The following SLC35F3 variants were observed in gnomAD, a reference collection of about 807,000 sequenced individuals.
SLC35F3 encodes the protein putative thiamine transporter SLC35F3.
SLC35F3 carries 25 observed loss-of-function variants against 49.9 expected under a neutral mutation model. That is an observed-to-expected ratio of 0.50 (90% CI 0.37 to 0.70). The LOEUF is 0.70. SLC35F3 is among the 30% of genes least tolerant of loss of function. The pLI is 0.00. For missense variants in SLC35F3, 525 were observed against 639.8 expected (o/e 0.82, Z 1.94); for synonymous variants, 275 against 265.4 (o/e 1.04, Z -0.35).
intron 2 of SLC35F3, among the ~76,000 whole-genome samples, chr1:234,104,996 C>T (rs1234162624): frequency 8.6e-5 from 13 of 151,912 alleles, no homozygotes; most frequent in African/African-American, 2.4e-4. Context: ...GGCGTGGTGG[C>T]GGGCACCTGT....
At chr1:234,296,972 A>T (rs2025008) in intron 3 of SLC35F3, among the ~76,000 whole-genome samples, 65,394 of 152,038 alleles carry the variant, frequency 0.43, 14,607 homozygotes, top group African/African-American at 0.53. Flanking sequence ...ACAGACAATT[A>T]AAAAAAACAT....
chr1:234,155,793 C>A (rs549146137), intron 2 of SLC35F3, among the ~76,000 whole-genome samples: 2,479 of 137,392 alleles, frequency 0.018, 57 homozygotes, highest in African/African-American at 0.059. Context: ...AAAAAAAAAA[C>A]CCCAAAAACA....
chr1:234,271,292 C>A lies in SLC35F3; in HGVS notation c.609-37809C>A, dbSNP rs117465862. On this transcript the variant is annotated intron_variant, in intron 3 of 7. Transcript: ENST00000366618. ...ATGAGGGTCCGAGAAGGCACAAGAA[C>A]TGAGCAAAAAACACACTTATTTTGA... Among the ~76,000 whole-genome samples the A allele has an allele frequency of 1.7e-3, 253 of 152,208 alleles. 5 individuals are homozygous for A. The East Asian group carries it at 0.038, about 23-fold the overall frequency.
chr1:234,209,066 A>G (rs1667014522), intron 2 of SLC35F3, among the ~76,000 whole-genome samples: 1 of 152,198 alleles, frequency 6.6e-6, no homozygotes, highest in Non-Finnish European at 1.5e-5. Flanking sequence ...TACTAAAGTC[A>G]AGACAGATAG....
intron 2 of SLC35F3, among the ~76,000 whole-genome samples, chr1:234,086,596 CTGATTACACA>C (rs942661728): frequency 6.6e-6 from 1 of 152,162 alleles, no homozygotes; most frequent in African/African-American, 2.4e-5. Flanking sequence ...CAGTATAAGC[CTGATTACACA>C]TGATTAATAA....
chr1:234,057,485 G>T (rs969417353), intron 2 of SLC35F3, among the ~76,000 whole-genome samples: 1 of 152,058 alleles, frequency 6.6e-6, no homozygotes, highest in Admixed American at 6.5e-5. Context: ...AAATGCAATT[G>T]ATTTTTTATC....
chr1:234,298,781 G>A (rs1037738945), intron 3 of SLC35F3, among the ~76,000 whole-genome samples: 12 of 152,132 alleles, frequency 7.9e-5, no homozygotes, highest in African/African-American at 1.9e-4. Context: ...TAGGCAATTC[G>A]CTGACAGAGT....
rs542766106 is a variant in SLC35F3 at position 233,998,822 on chromosome 1, G to A, written c.283+93064G>A. On this transcript the variant is annotated intron_variant, in intron 2 of 7. Transcript: ENST00000366618. ...TAATATCTGATGATAGTGGGAAATA[G>A]AGGATTTTACTGATGTGTTCTTACG... 4.6e-5 allele frequency among the ~76,000 whole-genome samples: 7 copies of A among 152,272 alleles called. No homozygotes were observed. The East Asian group carries it at 1.4e-3, about 29-fold the overall frequency.
intron 2 of SLC35F3, among the ~76,000 whole-genome samples, chr1:234,111,749 A>G (rs1447266943): frequency 6.6e-6 from 1 of 152,256 alleles, no homozygotes; most frequent in Non-Finnish European, 1.5e-5. Flanking sequence ...GAGCTTCCCC[A>G]GGACAGCGGC....
chr1:234,136,045 A>G (rs1205444571), intron 2 of SLC35F3, among the ~76,000 whole-genome samples: 2 of 152,226 alleles, frequency 1.3e-5, no homozygotes, highest in Admixed American at 6.5e-5. Flanking sequence ...GTTTATAGAT[A>G]TGAAAGGTGA....
rs2102999032 is a variant in SLC35F3, at chr1:234,320,244, TCACA to T, written c.1237+64_1237+67del. On this transcript the variant is annotated intron_variant, in intron 7 of 7. Transcript: ENST00000366618. The surrounding 1 kb of genome is among the most constrained non-coding windows in gnomAD (Gnocchi z 4.8). ...TAAGCACACACACTCAGTCACCTAC[TCACA>T]CACACATACACACACTCATGCATAC... 8.0e-7 allele frequency: 1 copy of T among 1,244,926 alleles called. No individual in the cohort carries two copies. Among genetic ancestry groups the T allele is most frequent in the Non-Finnish European group, 1.2e-6 (1 of 846,804 alleles). 77.1% of individuals were successfully genotyped at this position (1,244,926 alleles called of 1,614,324 possible).
intron 2 of SLC35F3, among the ~76,000 whole-genome samples, chr1:234,179,620 T>C (rs1487672085): frequency 1.3e-5 from 2 of 152,188 alleles, no homozygotes. Flanking sequence ...TTGTTAACTA[T>C]AGTCATCCTA....
intron 2 of SLC35F3, among the ~76,000 whole-genome samples, chr1:234,013,863 AAG>A (rs1373464437): frequency 1.3e-5 from 2 of 151,916 alleles, no homozygotes; most frequent in African/African-American, 2.4e-5. Flanking sequence ...AAAAAAAAAA[AAG>A]AGCCCAGAGC....
intron 6 of SLC35F3, 54 bp downstream of exon 6, chr1:234,318,997 C>G: frequency 6.8e-7 from 1 of 1,478,478 alleles, no homozygotes; most frequent in Non-Finnish European, 9.3e-7. Context: ...CCACAGAGGA[C>G]CCTCAGGAAA....
intron 2 of SLC35F3, among the ~76,000 whole-genome samples, chr1:234,198,105 T>G (rs1666842090): frequency 6.6e-6 from 1 of 152,004 alleles, no homozygotes; most frequent in African/African-American, 2.4e-5. Context: ...TGCAGAGTGA[T>G]TTTAGAGGAA....
At chr1:234,288,623 C>G (rs1038886988) in intron 3 of SLC35F3, among the ~76,000 whole-genome samples, 5 of 152,208 alleles carry the variant, frequency 3.3e-5, no homozygotes, top group African/African-American at 9.6e-5. Context: ...CAAGGAGTTT[C>G]TCTCATGCCA....
intron 2 of SLC35F3, among the ~76,000 whole-genome samples, chr1:234,146,055 T>G (rs1665990730): frequency 1.3e-5 from 2 of 152,190 alleles, no homozygotes; most frequent in Admixed American, 1.3e-4. Flanking sequence ...AGGTGGATCT[T>G]TTTTTCTTCT....
intron 2 of SLC35F3, among the ~76,000 whole-genome samples, chr1:234,222,375 C>T (rs901342592): frequency 6.6e-5 from 10 of 152,218 alleles, no homozygotes; most frequent in African/African-American, 2.4e-4. Flanking sequence ...TGGTCCTTGA[C>T]CAAGCAAGTT....
intron 2 of SLC35F3, among the ~76,000 whole-genome samples, chr1:233,941,115 C>T (rs1195033393): frequency 6.6e-6 from 1 of 152,188 alleles, no homozygotes; most frequent in Non-Finnish European, 1.5e-5. Flanking sequence ...TGTCTTTCCA[C>T]ACACCGTATA....
Sources: gnomAD v4.1 joint callset for allele counts (sites outside exome capture counted in the v4.1 genomes callset) on GRCh38, gnomAD v4.1.1 for gene constraint, Gnocchi (gnomAD v3.1) non-coding constraint, MANE v1.5 for transcripts, NCBI Gene and HGNC (gene_info 2026-07-23, HGNC 2026-07-21) for gene names.